Variants in OR4N2 observed in about 807,000 individuals in gnomAD.
The protein encoded by OR4N2 is olfactory receptor 4N2.
For synonymous variants in OR4N2, 141 were observed against 140.4 expected, an observed-to-expected ratio of 1.00 and a Z score of -0.03; for missense variants, 307 against 377.6, an observed-to-expected ratio of 0.81 and a Z score of 1.55.
intron 1 of OR4N2, among the ~76,000 whole-genome samples, chr14:19,805,290 A>G (rs1263828012): frequency 2.6e-5 from 4 of 152,204 alleles, no homozygotes; most frequent in Non-Finnish European, 5.9e-5. Context: ...CAGGATCTGG[A>G]TGTCATGGAA....
chr14:19,825,101 C>A (rs1157369767), intron 1 of OR4N2, among the ~76,000 whole-genome samples: 4 of 152,266 alleles, frequency 2.6e-5, no homozygotes, highest in Non-Finnish European at 5.9e-5. Flanking sequence ...TTTGAAGGAA[C>A]TACAAAATAT....
At chr14:19,806,426 A>C (rs1462733042) in intron 1 of OR4N2, among the ~76,000 whole-genome samples, 2 of 152,064 alleles carry the variant, frequency 1.3e-5, no homozygotes, top group Admixed American at 6.5e-5. Flanking sequence ...AGTAGGGGTC[A>C]CTATTCTTAT....
In OR4N2 at chr14:19,829,849, A is replaced by G. The variant is rs1220053650; in HGVS notation, c.*1477A>G. The G allele has an allele frequency of 6.6e-6, 1 of 152,250 alleles. No individual in the cohort carries two copies. Among genetic ancestry groups the G allele is most frequent in the African/African-American group, 2.4e-5 (1 of 41,454 alleles). 9.4% of individuals were successfully genotyped at this position (152,250 alleles called of 1,614,324 possible). A position where few individuals can be genotyped will look rare whatever the true frequency, so the allele number is the denominator to read the frequency against. On this transcript the variant is annotated 3_prime_UTR_variant, in exon 2 of 2. Transcript: ENST00000557677. ...TTTTGTACATGGTAAAAATATTCAG[A>G]CTATAGAAAAAGTGGTCTGAATCTT...
chr14:19,804,673 A>G (rs1387377644), intron 1 of OR4N2, among the ~76,000 whole-genome samples: 1 of 152,348 alleles, frequency 6.6e-6, no homozygotes, highest in East Asian at 1.9e-4. Context: ...TGTATATTCT[A>G]ATGTTCTTGG....
intron 1 of OR4N2, among the ~76,000 whole-genome samples, chr14:19,820,204 G>A (rs2138475307): frequency 6.6e-6 from 1 of 152,366 alleles, no homozygotes; most frequent in Admixed American, 6.5e-5. Flanking sequence ...CCTTAGCAGA[G>A]TTCAAGCGCT....
Position 19,827,828 on chromosome 14 carries a change from G to A in OR4N2, c.380G>A (p.Cys127Tyr), listed in dbSNP as rs779804716. ...VMAFDRYIAI[C>Y]RPLHYPTVMN... ...GCCTTTGACCGCTACATCGCCATCTGCCGGCCTCTGCACTATCCTACTGTC... is the reference window on the plus strand; with the variant it reads ...GCCTTTGACCGCTACATCGCCATCTACCGGCCTCTGCACTATCCTACTGTC... The change falls in exon 2 of 2, where the codon TGC becomes TAC. Residue 127 changes from cysteine to tyrosine, a missense_variant. Physicochemically the swap from Cys to Tyr is radical, Grantham distance 194 (BLOSUM62 -2). Transcript: ENST00000557677. 2.5e-6 allele frequency: 4 copies of A among 1,614,234 alleles called. No individual in the cohort carries two copies. Among genetic ancestry groups the A allele is most frequent in the Non-Finnish European group, 3.4e-6 (4 of 1,180,038 alleles).
chr14:19,809,152 CA>C (rs368220229), intron 1 of OR4N2, among the ~76,000 whole-genome samples: 13,122 of 136,820 alleles, frequency 0.096, 215 homozygotes, highest in East Asian at 0.2. Flanking sequence ...TAGCCAGATA[CA>C]AAAAAAAAAA....
At chr14:19,820,298 G>A (rs1199583501) in intron 1 of OR4N2, among the ~76,000 whole-genome samples, 1 of 152,252 alleles carries the variant, frequency 6.6e-6, no homozygotes, top group Non-Finnish European at 1.5e-5. Flanking sequence ...GTTCTGCTCT[G>A]ATCTTAGTTA....
chr14:19,805,575 C>A (rs1879144300), intron 1 of OR4N2, among the ~76,000 whole-genome samples: 1 of 152,168 alleles, frequency 6.6e-6, no homozygotes, highest in Non-Finnish European at 1.5e-5. Context: ...AACAAAACTT[C>A]TGAGAAAGAT....
chr14:19,818,449 C>G (rs551896910), intron 1 of OR4N2, among the ~76,000 whole-genome samples: 1 of 152,258 alleles, frequency 6.6e-6, no homozygotes, highest in South Asian at 2.1e-4. Flanking sequence ...CCTTCTTTGT[C>G]TTTTTTGATC....
At chr14:19,815,922 G>C (rs1292470615) in intron 1 of OR4N2, among the ~76,000 whole-genome samples, 2 of 152,302 alleles carry the variant, frequency 1.3e-5, no homozygotes, top group Admixed American at 6.5e-5. Flanking sequence ...ATATGTCTAA[G>C]CCAGTTTTCA....
intron 1 of OR4N2, among the ~76,000 whole-genome samples, chr14:19,810,108 A>G (rs1879259212): frequency 6.6e-6 from 1 of 152,280 alleles, no homozygotes; most frequent in Admixed American, 6.5e-5. Flanking sequence ...TGCGCCCAAC[A>G]AAGGTCTAAT....
rs1437241467 is a variant in OR4N2, at chr14:19,816,193, G to A, written c.-9-11247G>A. Among the ~76,000 whole-genome samples the A allele has an allele frequency of 4.0e-5, 6 of 151,516 alleles. No individual in the cohort carries two copies. In the East Asian group the frequency reaches 1.2e-3, roughly 29 times the overall value. The stretch of plus-strand genomic sequence containing the variant: ...TCTTGGCTATACAGGCTCTTTTTTT[G>A]TTCCATATGAAATTTAAAGTCGTTT... On this transcript the variant is annotated intron_variant, in intron 1 of 1. Transcript: ENST00000557677.
At chr14:19,813,219 G>T (rs1250516821) in intron 1 of OR4N2, among the ~76,000 whole-genome samples, 1 of 152,240 alleles carries the variant, frequency 6.6e-6, no homozygotes, top group Non-Finnish European at 1.5e-5. Context: ...ACTTAAGAAC[G>T]TATCTAACCT....
intron 1 of OR4N2, among the ~76,000 whole-genome samples, chr14:19,806,648 T>TATTAGATAG (rs138507755): frequency 0.082 from 12,183 of 148,856 alleles, 99 homozygotes; most frequent in East Asian, 0.18. Context: ...CCACTGATGG[T>TATTAGATAG]ATCATTAAGG....
rs2138487263 is a variant in OR4N2, at chr14:19,829,335, T to A, written c.*963T>A. The A allele has an allele frequency of 6.6e-6, 1 of 152,412 alleles. No homozygotes were observed. Among genetic ancestry groups the A allele is most frequent in the East Asian group, 1.9e-4 (1 of 5,196 alleles). The allele number at this position is 152,412 out of a possible 1,614,324, so 9.4% of individuals were successfully genotyped here. On this transcript the variant is annotated 3_prime_UTR_variant, in exon 2 of 2. Coordinates refer to ENST00000557677, the MANE Select transcript of OR4N2 (RefSeq NM_001004723.3). ...CACTCTAAGTTTAATAACAACAGTC[T>A]TTTGGTAGAGCAATCAGGATTTTGT...
intron 1 of OR4N2, among the ~76,000 whole-genome samples, chr14:19,818,710 T>C (rs1879488611): frequency 1.3e-5 from 2 of 152,210 alleles, no homozygotes; most frequent in African/African-American, 4.8e-5. Context: ...ATGTGTGAAT[T>C]TGATCCTGTA....
chr14:19,815,711 C>T (rs1413862316), intron 1 of OR4N2, among the ~76,000 whole-genome samples: 1 of 146,964 alleles, frequency 6.8e-6, no homozygotes, highest in African/African-American at 2.5e-5. Flanking sequence ...AATTAGATCT[C>T]ATTTGTCAAT....
At chr14:19,825,602 C>T (rs1879676102) in intron 1 of OR4N2, among the ~76,000 whole-genome samples, 1 of 152,068 alleles carries the variant, frequency 6.6e-6, no homozygotes, top group African/African-American at 2.4e-5. Flanking sequence ...GTCGCCCAGG[C>T]TGGAGTGCAG....
Sources: gnomAD v4.1 joint callset for allele counts (sites outside exome capture counted in the v4.1 genomes callset) on GRCh38, gnomAD v4.1.1 for gene constraint, MANE v1.5 for transcripts, NCBI Gene and HGNC (gene_info 2026-07-23, HGNC 2026-07-21) for gene names.